Variants in RAPGEF2 observed in about 807,000 individuals in gnomAD.
RAPGEF2 encodes the protein Rap guanine nucleotide exchange factor 2.
RAPGEF2 carries 54 observed loss-of-function variants against 186.7 expected under a neutral mutation model. That is an observed-to-expected ratio of 0.29 (90% CI 0.23 to 0.36). RAPGEF2 has a LOEUF of 0.36. Among genes scored for constraint, RAPGEF2 ranks in the 10% least tolerant of loss-of-function variants. The pLI is 1.00. For synonymous variants in RAPGEF2, 712 were observed against 705.9 expected (o/e 1.01, Z -0.14); for missense variants, 1,532 against 2,045.0 (o/e 0.75, Z 4.84).
At chr4:159,182,467 C>T (rs945284783) in intron 1 of RAPGEF2, among the ~76,000 whole-genome samples, 1 of 142,942 alleles carries the variant, frequency 7.0e-6, no homozygotes, top group Admixed American at 7.4e-5. Flanking sequence ...ACAATCTCGG[C>T]TCACTGCAAC....
intron 7 of RAPGEF2, among the ~76,000 whole-genome samples, chr4:159,275,332 A>G (rs1288236254): frequency 6.6e-6 from 1 of 152,134 alleles, no homozygotes; most frequent in Non-Finnish European, 1.5e-5. Context: ...TTAGCCTTAG[A>G]TTTATTAACA....
chr4:159,105,993 A>T lies in RAPGEF2; in HGVS notation c.69+1762A>T, dbSNP rs139182957. On this transcript the variant is annotated intron_variant, in intron 1 of 29. Transcript: ENST00000691494. Reference sequence around the variant, plus strand: ...AGGTTGGGGGGCGGGTCACCAAACAAGACTAGAAGAGACAAAACCTCCACT... The same window carrying T: ...AGGTTGGGGGGCGGGTCACCAAACATGACTAGAAGAGACAAAACCTCCACT... Among the ~76,000 whole-genome samples the T allele has an allele frequency of 1.9e-4, 29 of 152,352 alleles. No homozygotes were observed. The East Asian group carries it at 5.6e-3, about 29-fold the overall frequency.
chr4:159,125,393 C>T (rs1409384008), intron 1 of RAPGEF2, among the ~76,000 whole-genome samples: 1 of 152,052 alleles, frequency 6.6e-6, no homozygotes, highest in African/African-American at 2.4e-5. Flanking sequence ...GTTTGTATTC[C>T]GTTTTCTTTG....
chr4:159,324,435 A>G (rs962437827), intron 11 of RAPGEF2, among the ~76,000 whole-genome samples: 1 of 152,044 alleles, frequency 6.6e-6, no homozygotes, highest in Admixed American at 6.6e-5. Context: ...GTGTTCGACT[A>G]AAAAAAAGTG....
intron 1 of RAPGEF2, among the ~76,000 whole-genome samples, chr4:159,169,418 A>C (rs1745668584): frequency 6.6e-6 from 1 of 152,216 alleles, no homozygotes; most frequent in Non-Finnish European, 1.5e-5. Context: ...ATTAACATAC[A>C]TATTACCTCA....
chr4:159,248,208 G>T (rs1034529464), intron 7 of RAPGEF2, among the ~76,000 whole-genome samples: 2 of 152,124 alleles, frequency 1.3e-5, no homozygotes, highest in African/African-American at 4.8e-5. Context: ...AGAGTTTGAG[G>T]TAGATTAGTT....
chr4:159,208,736 C>T (rs1298365682), intron 3 of RAPGEF2, among the ~76,000 whole-genome samples: 1 of 152,096 alleles, frequency 6.6e-6, no homozygotes, highest in Non-Finnish European at 1.5e-5. Context: ...ATGCAATTGA[C>T]TATGTGTGAT....
intron 5 of RAPGEF2, among the ~76,000 whole-genome samples, chr4:159,239,313 A>G (rs1327258054): frequency 6.6e-6 from 1 of 152,132 alleles, no homozygotes; most frequent in Non-Finnish European, 1.5e-5. Context: ...ATTGTGAGCA[A>G]TCGTGAGGAA....
chr4:159,200,823 T>G (rs1749323779), intron 3 of RAPGEF2, among the ~76,000 whole-genome samples: 1 of 152,176 alleles, frequency 6.6e-6, no homozygotes, highest in Non-Finnish European at 1.5e-5. Flanking sequence ...TTAGAACTTT[T>G]AAGAAATAGA....
At chr4:159,344,937 A>G (rs1236281266) in intron 23 of RAPGEF2, among the ~76,000 whole-genome samples, 169 bp from the exon 24 acceptor site, 1 of 152,202 alleles carries the variant, frequency 6.6e-6, no homozygotes, top group African/African-American at 2.4e-5. Flanking sequence ...AATTTTCTTT[A>G]AATTTTTAAA....
intron 4 of RAPGEF2, 150 bp from the exon 5 acceptor site, chr4:159,238,659 A>G: frequency 2.1e-6 from 1 of 480,464 alleles, no homozygotes; most frequent in Admixed American, 3.9e-5. Flanking sequence ...ATTCTGTGTA[A>G]ATTATTAAAG....
rs771809655 is a variant in RAPGEF2 at position 159,339,243 on chromosome 4, C to A, written c.2423C>A (p.Pro808Gln). 1.9e-6 allele frequency: 3 copies of A among 1,614,054 alleles called. No individual in the cohort carries two copies. Among genetic ancestry groups the A allele is most frequent in the Non-Finnish European group, 2.5e-6 (3 of 1,179,992 alleles). ...AIREFAVTAT[P>Q]DQYSLCEVSV... ...AGGGAGTTTGCTGTTACTGCCACCC[C>A]GGATCAATATTCACTATGTGAGGTC... The change falls in exon 19 of 30, where the codon CCG (proline) becomes CAG (glutamine). Residue 808 changes from proline (P) to glutamine (Q), a missense_variant. Transcript: ENST00000691494.
intron 4 of RAPGEF2, among the ~76,000 whole-genome samples, chr4:159,221,008 GA>G (rs1751484881): frequency 6.6e-6 from 1 of 152,198 alleles, no homozygotes; most frequent in Non-Finnish European, 1.5e-5. Flanking sequence ...GAAGGTAATG[GA>G]AGGAGGAGTC....
chr4:159,142,714 G>T (rs1293446858), intron 1 of RAPGEF2, among the ~76,000 whole-genome samples: 2 of 152,192 alleles, frequency 1.3e-5, no homozygotes, highest in South Asian at 2.1e-4. Context: ...GAATGCAATG[G>T]TTTTTTAAAA....
At chr4:159,192,092 T>C (rs889716805) in intron 2 of RAPGEF2, among the ~76,000 whole-genome samples, 2 of 152,222 alleles carry the variant, frequency 1.3e-5, no homozygotes, top group African/African-American at 4.8e-5. Flanking sequence ...TAAGACCAGA[T>C]ATTTTTAGAC....
chr4:159,284,196 G>A (rs1760120927), intron 7 of RAPGEF2, among the ~76,000 whole-genome samples: 1 of 152,036 alleles, frequency 6.6e-6, no homozygotes, highest in Admixed American at 6.6e-5. Context: ...TTTTTTTAGA[G>A]TTTTCCCCAA....
Position 159,103,788 on chromosome 4 carries a change from G to A in RAPGEF2, c.-375G>A, listed in dbSNP as rs1737449476. 6.6e-6 allele frequency: 1 copy of A among 152,616 alleles called. No individual in the cohort carries two copies. Among genetic ancestry groups the A allele is most frequent in the Admixed American group, 6.5e-5 (1 of 15,288 alleles). 9.5% of individuals were successfully genotyped at this position (152,616 alleles called of 1,614,324 possible). On this transcript the variant is annotated 5_prime_UTR_variant, in exon 1 of 30. Transcript: ENST00000691494. The stretch of plus-strand genomic sequence containing the variant: ...AATAACTCGGGCCCGCTGGGGCCAG[G>A]AGGAGCCGCCACTGTCCCCCGAGTG...
At chr4:159,303,659 T>C (rs1339646707) in intron 7 of RAPGEF2, among the ~76,000 whole-genome samples, 1 of 151,770 alleles carries the variant, frequency 6.6e-6, no homozygotes, top group East Asian at 1.9e-4. Flanking sequence ...TTCTAATGCA[T>C]TTTCTCTGGT....
chr4:159,320,942 TTTA>T (rs1482971035), intron 9 of RAPGEF2, among the ~76,000 whole-genome samples: 28 of 152,128 alleles, frequency 1.8e-4, no homozygotes, highest in African/African-American at 6.5e-4. Flanking sequence ...GCAGTTCTCA[TTTA>T]TTGAGTATTT....
Sources: allele counts gnomAD v4.1 joint callset (sites outside exome capture counted in the v4.1 genomes callset), GRCh38; gene constraint gnomAD v4.1.1; transcripts MANE v1.5; gene names NCBI Gene and HGNC (gene_info 2026-07-23, HGNC 2026-07-21).